The following CDH13 variants were observed in gnomAD, a reference collection of about 807,000 sequenced individuals.
CDH13 encodes the protein cadherin 13.
Under a neutral mutation model 63.8 loss-of-function variants are expected in CDH13, and 24 were observed. The ratio of observed to expected loss-of-function variants is 0.38; its 90% CI spans 0.27 to 0.53. The LOEUF (loss-of-function observed/expected upper bound fraction) is 0.53, where lower values mean the gene tolerates loss of function less well. Among genes scored for constraint, CDH13 ranks in the 20% least tolerant of loss-of-function variants. The pLI is 0.85. For missense variants in CDH13, 1,049 were observed against 903.1 expected, an observed-to-expected ratio of 1.16 and a Z score of -2.07; for synonymous variants, 503 against 355.3, an observed-to-expected ratio of 1.42 and a Z score of -4.67.
chr16:83,432,398 G>A (rs9923187), intron 6 of CDH13, among the ~76,000 whole-genome samples: 77,121 of 151,966 alleles, frequency 0.51, 20,327 homozygotes, highest in African/African-American at 0.66. Flanking sequence ...TGAGGAAACT[G>A]AGGCCAGGCT....
At chr16:83,169,424 C>G (rs998984891) in intron 4 of CDH13, among the ~76,000 whole-genome samples, 1 of 152,040 alleles carries the variant, frequency 6.6e-6, no homozygotes, top group Non-Finnish European at 1.5e-5. Flanking sequence ...ATCTGCCTGC[C>G]TCGGCTTCCC....
rs572037485 is a variant in CDH13 at position 83,800,085 on chromosome 16, G to C, written c.*5055G>C. The C allele has an allele frequency of 1.3e-5, 2 of 152,288 alleles. No individual in the cohort carries two copies. Among genetic ancestry groups the C allele is most frequent in the African/African-American group, 4.8e-5 (2 of 41,566 alleles). The allele number at this position is 152,288 out of a possible 1,614,324, so 9.4% of individuals were successfully genotyped here. A position where few individuals can be genotyped will look rare whatever the true frequency, so the allele number is the denominator to read the frequency against. On this transcript the variant is annotated 3_prime_UTR_variant, in exon 14 of 14. Coordinates refer to ENST00000567109, the MANE Select transcript of CDH13 (RefSeq NM_001257.5). Reference sequence around the variant, plus strand: ...GTTGGAGGGTTGCTGAGCTTGATACGCCTTTGAACCATTTTATTTGACTTT... The same window carrying C: ...GTTGGAGGGTTGCTGAGCTTGATACCCCTTTGAACCATTTTATTTGACTTT...
At chr16:82,887,380 A>G (rs2040927385) in intron 2 of CDH13, among the ~76,000 whole-genome samples, 1 of 152,174 alleles carries the variant, frequency 6.6e-6, no homozygotes, top group Non-Finnish European at 1.5e-5. Context: ...CATTGTTGTT[A>G]ATGAGAAAGA....
At chr16:82,669,352 T>C (rs900559183) in intron 1 of CDH13, among the ~76,000 whole-genome samples, 1 of 152,218 alleles carries the variant, frequency 6.6e-6, no homozygotes, top group African/African-American at 2.4e-5. Flanking sequence ...ATCAAGCTTA[T>C]AGAAAATGGA....
chr16:83,269,655 C>G (rs2088738124), intron 5 of CDH13, among the ~76,000 whole-genome samples: 2 of 152,126 alleles, frequency 1.3e-5, no homozygotes, highest in African/African-American at 4.8e-5. Flanking sequence ...GGATTAGGTC[C>G]TATCATTTCA....
chr16:82,751,873 G>A (rs564105008), intron 1 of CDH13, among the ~76,000 whole-genome samples: 1 of 152,170 alleles, frequency 6.6e-6, no homozygotes, highest in African/African-American at 2.4e-5. Flanking sequence ...CCGCAGGTGA[G>A]TATAAGGATG....
chr16:83,014,746 ATAT>A (rs1567745477), intron 2 of CDH13, among the ~76,000 whole-genome samples: 1,387 of 32,574 alleles, frequency 0.043, 73 homozygotes, highest in South Asian at 0.1. Context: ...AAAAAAAAAT[ATAT>A]ATATATATAT....
chr16:83,139,311 G>A (rs1295339312), intron 4 of CDH13, among the ~76,000 whole-genome samples: 1 of 152,184 alleles, frequency 6.6e-6, no homozygotes, highest in Non-Finnish European at 1.5e-5. Flanking sequence ...TTTTACTTTA[G>A]TCCTTCCTTG....
At chr16:83,340,324 G>GTGTGTT (rs1420350423) in intron 5 of CDH13, among the ~76,000 whole-genome samples, 6 of 151,952 alleles carry the variant, frequency 3.9e-5, no homozygotes, top group Admixed American at 3.9e-4. Flanking sequence ...GTGTGTGTGT[G>GTGTGTT]TGTATGTGCG....
intron 2 of CDH13, among the ~76,000 whole-genome samples, chr16:82,964,762 T>C (rs1216422608): frequency 6.6e-6 from 1 of 152,178 alleles, no homozygotes; most frequent in Non-Finnish European, 1.5e-5. Flanking sequence ...ATAAAATATA[T>C]CCGACAGGAA....
chr16:83,298,291 A>G (rs993434909), intron 5 of CDH13, among the ~76,000 whole-genome samples: 15 of 152,086 alleles, frequency 9.9e-5, no homozygotes, highest in Non-Finnish European at 1.8e-4. Flanking sequence ...AAGAAAAAGA[A>G]AAGGGAAGAA....
intron 5 of CDH13, among the ~76,000 whole-genome samples, chr16:83,327,064 A>T (rs2090379813): frequency 6.6e-6 from 1 of 152,246 alleles, no homozygotes; most frequent in Admixed American, 6.5e-5. Context: ...TTATGTAAGA[A>T]ATATGAGTCT....
intron 7 of CDH13, among the ~76,000 whole-genome samples, chr16:83,501,258 A>G (rs2074277194): frequency 6.6e-6 from 1 of 152,238 alleles, no homozygotes. Flanking sequence ...AGAAATGACC[A>G]TTGAAATTCA....
chr16:83,491,863 C>A (rs1316882148), intron 7 of CDH13, among the ~76,000 whole-genome samples: 5 of 151,982 alleles, frequency 3.3e-5, no homozygotes, highest in Non-Finnish European at 5.9e-5. Flanking sequence ...TTTATAATGC[C>A]CAAATTTTTA....
At chr16:83,075,463 T>C (rs992782951) in intron 3 of CDH13, among the ~76,000 whole-genome samples, 22 of 152,346 alleles carry the variant, frequency 1.4e-4, no homozygotes, top group African/African-American at 5.1e-4. Context: ...ACAATGTTCT[T>C]GACCTAGAAT....
intron 4 of CDH13, among the ~76,000 whole-genome samples, chr16:83,138,688 A>T (rs372059595): frequency 6.6e-6 from 1 of 152,192 alleles, no homozygotes; most frequent in Non-Finnish European, 1.5e-5. Flanking sequence ...AGTGTTATAC[A>T]TTGGGGAATC....
chr16:83,102,948 C>CTTTTTTTTTTTTCTTTTTCT (rs2034565904), intron 3 of CDH13, among the ~76,000 whole-genome samples: 8 of 69,022 alleles, frequency 1.2e-4, no homozygotes, highest in Admixed American at 5.3e-4. Flanking sequence ...TTTTCTTTTT[C>CTTTTTTTTTTTTCTTTTTCT]TTTTTTTTTT....
intron 2 of CDH13, among the ~76,000 whole-genome samples, chr16:82,982,355 G>T (rs755778342): frequency 5.9e-5 from 9 of 151,924 alleles, no homozygotes; most frequent in Non-Finnish European, 1.2e-4. Context: ...TCCTATTGTT[G>T]TATTAAAAAA....
intron 7 of CDH13, among the ~76,000 whole-genome samples, chr16:83,528,137 C>T (rs531770557): frequency 2.4e-4 from 36 of 152,214 alleles, no homozygotes; most frequent in Non-Finnish European, 3.7e-4. Flanking sequence ...TTTAATAATC[C>T]TCTTAATAGC....
Sources: gnomAD v4.1 joint callset for allele counts (sites outside exome capture counted in the v4.1 genomes callset) on GRCh38, gnomAD v4.1.1 for gene constraint, MANE v1.5 for transcripts, NCBI Gene and HGNC (gene_info 2026-07-23, HGNC 2026-07-21) for gene names.